ATP11B: variants seen among roughly 807,000 people sequenced by gnomAD.
ATP11B encodes phospholipid-transporting ATPase IF.
Under a neutral mutation model 157.8 loss-of-function variants are expected in ATP11B, and 81 were observed. The observed-to-expected ratio is 0.51, with a 90% CI of 0.43 to 0.62. ATP11B has a LOEUF of 0.62. Among genes scored for constraint, ATP11B ranks in the 20% least tolerant of loss-of-function variants. The pLI, the probability that ATP11B is intolerant of heterozygous loss-of-function variation, is 0.00. For missense variants in ATP11B, 1,165 were observed against 1,402.2 expected (o/e 0.83, Z 2.70); for synonymous variants, 451 against 469.4 (o/e 0.96, Z 0.51).
intron 24 of ATP11B, among the ~76,000 whole-genome samples, 193 bp from the exon 25 acceptor site, chr3:182,889,217 G>T (rs769392267): frequency 9.9e-5 from 15 of 152,080 alleles, no homozygotes; most frequent in Non-Finnish European, 4.4e-5. Context: ...TGAACTATAA[G>T]CTATTAAACA....
intron 11 of ATP11B, among the ~76,000 whole-genome samples, 169 bp from the exon 12 acceptor site, chr3:182,858,993 A>G (rs1434428137): frequency 6.6e-6 from 1 of 152,168 alleles, no homozygotes; most frequent in Admixed American, 6.5e-5. Flanking sequence ...AGGAAATGTA[A>G]TGTTAAAAAG....
intron 10 of ATP11B, among the ~76,000 whole-genome samples, chr3:182,855,676 T>TA (rs1720339589): frequency 6.6e-6 from 1 of 152,180 alleles, no homozygotes; most frequent in East Asian, 1.9e-4. Flanking sequence ...TCAAACTCAA[T>TA]AGTAATTCAG....
chr3:182,797,231 T>C (rs991998506), intron 1 of ATP11B, among the ~76,000 whole-genome samples: 2 of 152,224 alleles, frequency 1.3e-5, no homozygotes, highest in Admixed American at 1.3e-4. Flanking sequence ...TTCTCTTAAC[T>C]TGTGAACATG....
chr3:182,810,474 C>T (rs1283327521), intron 1 of ATP11B, among the ~76,000 whole-genome samples: 1 of 151,794 alleles, frequency 6.6e-6, no homozygotes, highest in Non-Finnish European at 1.5e-5. Context: ...CCTGCGTAGA[C>T]ATGCTTTACT....
At chr3:182,893,868 T>G (rs1723339953) in intron 25 of ATP11B, among the ~76,000 whole-genome samples, 2 of 152,230 alleles carry the variant, frequency 1.3e-5, no homozygotes, top group South Asian at 4.1e-4. Flanking sequence ...TTTATGTTTT[T>G]ATTCTGACCA....
chr3:182,813,997 A>G (rs1716824033), intron 1 of ATP11B, among the ~76,000 whole-genome samples: 2 of 152,152 alleles, frequency 1.3e-5, no homozygotes. Context: ...AAGTGGTGGG[A>G]TTACATGTGT....
At chr3:182,814,156 C>T (rs1246246441) in intron 1 of ATP11B, among the ~76,000 whole-genome samples, 1 of 152,078 alleles carries the variant, frequency 6.6e-6, no homozygotes, top group African/African-American at 2.4e-5. Flanking sequence ...CTCTGCGTCC[C>T]AGGTTTAAGT....
rs550378443 is a variant in ATP11B, at chr3:182,896,858, C to G, written c.3048+93C>G. 6.9e-5 allele frequency: 57 copies of G among 822,916 alleles called. 3 individuals are homozygous for G. The South Asian group carries it at 1.3e-3, about 18-fold the overall frequency. The allele number at this position is 822,916 out of a possible 1,614,324, so 51.0% of individuals were successfully genotyped here. A position where few individuals can be genotyped will look rare whatever the true frequency, so the allele number is the denominator to read the frequency against. On this transcript the variant is annotated intron_variant, in intron 26 of 29. Transcript: ENST00000323116. Reference sequence around the variant, plus strand: ...ATTTCTTTAGCCATAGATACTTTCCCTTTTTCCATTTTCAATAACGATTAA... The same window carrying G: ...ATTTCTTTAGCCATAGATACTTTCCGTTTTTCCATTTTCAATAACGATTAA...
At position 182,918,543 on chromosome 3, in the gene ATP11B, T is replaced by A; in HGVS notation, c.*439T>A. 1 of 394,340 alleles carries A rather than the reference T, an allele frequency of 2.5e-6. No homozygotes were observed. Among genetic ancestry groups the A allele is most frequent in the Non-Finnish European group, 4.5e-6 (1 of 223,440 alleles). The allele number at this position is 394,340 out of a possible 1,614,324, so 24.4% of individuals were successfully genotyped here. ...TGAAAGTTTGCCTTGAGAACTCTAT[T>A]TTTTTATTAGAGTTATATTTAAAGC... On this transcript the variant is annotated 3_prime_UTR_variant, in exon 30 of 30. Coordinates refer to ENST00000323116, the MANE Select transcript of ATP11B (RefSeq NM_014616.3).
intron 10 of ATP11B, among the ~76,000 whole-genome samples, chr3:182,849,338 G>T (rs1243641796): frequency 1.3e-5 from 2 of 152,072 alleles, no homozygotes; most frequent in Non-Finnish European, 2.9e-5. Flanking sequence ...GAACATAAAA[G>T]AATACAGACT....
intron 18 of ATP11B, among the ~76,000 whole-genome samples, chr3:182,872,833 C>A (rs1721764868): frequency 6.6e-6 from 1 of 152,204 alleles, no homozygotes. Flanking sequence ...AATTCTCCAG[C>A]CTTCCCTCCT....
chr3:182,916,730 A>C (rs1725166359), intron 29 of ATP11B: 6 of 984,340 alleles, frequency 6.1e-6, no homozygotes, highest in Middle Eastern at 5.2e-4. Flanking sequence ...AAAAATTTAA[A>C]ATGAAGGAGA....
rs995122602 is a variant in ATP11B, at chr3:182,879,623, C to T, written c.2380C>T (p.Arg794Cys). 5.6e-6 allele frequency: 9 copies of T among 1,612,706 alleles called. No individual in the cohort carries two copies. Among genetic ancestry groups the T allele is most frequent in the African/African-American group, 1.3e-5 (1 of 74,944 alleles). The change falls in exon 20 of 30, where the codon CGT (arginine) becomes TGT (cysteine). Residue 794 changes from arginine (R) to cysteine (C), a missense_variant. Transcript: ENST00000323116. ...AAATTGTTCAGCTGTATTATGCTGT[C>T]GTATGGCTCCACTGCAGAAAGCAAA... ...CRNCSAVLCC[R>C]MAPLQKAKVI...
At position 182,858,133 on chromosome 3, in the gene ATP11B, C is replaced by T. The variant is rs527825426; in HGVS notation, c.1002+105C>T. 9 of 1,001,672 alleles carry T rather than the reference C, an allele frequency of 9.0e-6. No homozygotes were observed. The African/African-American group carries it at 1.3e-4, about 14-fold the overall frequency. The allele number at this position is 1,001,672 out of a possible 1,614,324, so 62.0% of individuals were successfully genotyped here. ...TGGAGAGACCACTGTAATCCTAAAA[C>T]TGTTGGTACTGAAGGGTGACAGAAA... is the stretch of plus-strand genomic sequence containing the variant. On this transcript the variant is annotated intron_variant, in intron 11 of 29. Coordinates refer to ENST00000323116, the MANE Select transcript of ATP11B (RefSeq NM_014616.3).
intron 7 of ATP11B, among the ~76,000 whole-genome samples, chr3:182,840,250 G>C (rs1395128561): frequency 1.3e-5 from 2 of 152,014 alleles, no homozygotes; most frequent in African/African-American, 4.8e-5. Context: ...CCCTCTCTTG[G>C]TTTACCTCCT....
intron 1 of ATP11B, among the ~76,000 whole-genome samples, chr3:182,794,524 C>T (rs1173877083): frequency 6.6e-6 from 1 of 152,188 alleles, no homozygotes; most frequent in Non-Finnish European, 1.5e-5. Context: ...TCCCGTTCTC[C>T]TCAAGGCAGT....
chr3:182,819,366 C>T (rs919625308), intron 1 of ATP11B, among the ~76,000 whole-genome samples: 2 of 152,132 alleles, frequency 1.3e-5, no homozygotes, highest in Admixed American at 6.5e-5. Flanking sequence ...CCAGCGCGCC[C>T]GGCGTCTTTT....
At chr3:182,840,482 A>G (rs1718920987) in intron 7 of ATP11B, among the ~76,000 whole-genome samples, 2 of 152,278 alleles carry the variant, frequency 1.3e-5, no homozygotes, top group East Asian at 1.9e-4. Flanking sequence ...CTTCTTTCCT[A>G]AACTTCAGCT....
chr3:182,833,380 C>CAA (rs2092266885), intron 4 of ATP11B, among the ~76,000 whole-genome samples: 1 of 152,136 alleles, frequency 6.6e-6, no homozygotes, highest in Non-Finnish European at 1.5e-5. Context: ...GGCTGGAGAG[C>CAA]AGTAGTGCAA....
Sources: allele counts gnomAD v4.1 joint callset (sites outside exome capture counted in the v4.1 genomes callset), GRCh38; gene constraint gnomAD v4.1.1; transcripts MANE v1.5; gene names NCBI Gene and HGNC (gene_info 2026-07-23, HGNC 2026-07-21).